ABTB3: variants seen among roughly 807,000 people sequenced by gnomAD.
ABTB3 encodes ankyrin repeat- and BTB/POZ domain-containing protein 3.
chr12:107,591,300 A>G, the ABTB3 span, among the ~76,000 whole-genome samples: 1 of 152,214 alleles, frequency 6.6e-6, no homozygotes, highest in Admixed American at 6.5e-5. Flanking sequence ...AATACCTGAG[A>G]CTGGGTAATT....
chr12:107,402,925 T>TTC, the ABTB3 span, among the ~76,000 whole-genome samples: 1 of 152,028 alleles, frequency 6.6e-6, no homozygotes, highest in Non-Finnish European at 1.5e-5. Context: ...TGCTGGCTTG[T>TTC]CCCCCCACCC....
the ABTB3 span, chr12:107,610,414 C>A: frequency 1.3e-6 from 2 of 1,589,130 alleles, no homozygotes; most frequent in Non-Finnish European, 1.7e-6. Flanking sequence ...TCACCCCTGG[C>A]AAGACAGAGA....
chr12:107,421,776 A>C, the ABTB3 span, among the ~76,000 whole-genome samples: 1 of 152,176 alleles, frequency 6.6e-6, no homozygotes. Flanking sequence ...AAGACCATGG[A>C]TCTCATCCAA....
chr12:107,490,177 T>C, the ABTB3 span, among the ~76,000 whole-genome samples: 1 of 152,242 alleles, frequency 6.6e-6, no homozygotes, highest in African/African-American at 2.4e-5. Flanking sequence ...GTGCACTGGC[T>C]GTTGTTTAGT....
chr12:107,475,556 C>T, the ABTB3 span, among the ~76,000 whole-genome samples: 1 of 152,198 alleles, frequency 6.6e-6, no homozygotes, highest in African/African-American at 2.4e-5. Flanking sequence ...TTGTAGAACT[C>T]TGATCTGACC....
the ABTB3 span, among the ~76,000 whole-genome samples, chr12:107,320,850 A>G: frequency 1.3e-5 from 2 of 150,750 alleles, no homozygotes; most frequent in African/African-American, 4.9e-5. Context: ...TCTGGGCAGG[A>G]TGGAGCTGGC....
chr12:107,524,408 A>G, the ABTB3 span, among the ~76,000 whole-genome samples: 1 of 152,204 alleles, frequency 6.6e-6, no homozygotes, highest in African/African-American at 2.4e-5. Flanking sequence ...TGCTCAGCCA[A>G]TGTGGAAACC....
At chr12:107,581,066 C>T in the ABTB3 span, 3 of 1,540,140 alleles carry the variant, frequency 1.9e-6, no homozygotes, top group African/African-American at 1.4e-5. Context: ...GGGGGATCCC[C>T]GCGAGCAGGG....
the ABTB3 span, among the ~76,000 whole-genome samples, chr12:107,550,738 G>A: frequency 6.6e-6 from 1 of 151,732 alleles, no homozygotes; most frequent in South Asian, 2.1e-4. Flanking sequence ...ATGCTATCAT[G>A]CCCAACTAAT....
the ABTB3 span, among the ~76,000 whole-genome samples, chr12:107,625,652 T>C: frequency 6.6e-6 from 1 of 151,990 alleles, no homozygotes; most frequent in African/African-American, 2.4e-5. Context: ...TGGGCAGTAG[T>C]AAGAGTCTGA....
the ABTB3 span, among the ~76,000 whole-genome samples, chr12:107,354,669 TG>T: frequency 6.6e-6 from 1 of 152,240 alleles, no homozygotes; most frequent in Non-Finnish European, 1.5e-5. Context: ...GGGTTGTTTC[TG>T]CTTTTTGGCT....
the ABTB3 span, among the ~76,000 whole-genome samples, chr12:107,345,661 C>G: frequency 6.6e-6 from 1 of 152,092 alleles, no homozygotes; most frequent in Non-Finnish European, 1.5e-5. Flanking sequence ...GGAGGAGGGA[C>G]TGAATTCCCC....
At chr12:107,364,220 T>A in the ABTB3 span, among the ~76,000 whole-genome samples, 2 of 152,104 alleles carry the variant, frequency 1.3e-5, no homozygotes, top group Non-Finnish European at 2.9e-5. Context: ...CATGCTTCCA[T>A]TCTTGCTGCA....
At chr12:107,551,959 T>G in the ABTB3 span, among the ~76,000 whole-genome samples, 2 of 152,096 alleles carry the variant, frequency 1.3e-5, no homozygotes, top group African/African-American at 4.8e-5. Context: ...ACCATGTTGG[T>G]CAGGCTGGTC....
At chr12:107,604,569 T>C in the ABTB3 span, among the ~76,000 whole-genome samples, 1 of 152,168 alleles carries the variant, frequency 6.6e-6, no homozygotes, top group African/African-American at 2.4e-5. Context: ...CAATGAGATA[T>C]CGCTTCACAC....
the ABTB3 span, chr12:107,544,290 G>T: frequency 2.5e-6 from 2 of 811,890 alleles, no homozygotes; most frequent in Non-Finnish European, 3.8e-6. Context: ...ACCCTGAGGG[G>T]ATATCTTAGA....
the ABTB3 span, among the ~76,000 whole-genome samples, chr12:107,451,511 C>T: frequency 7.9e-5 from 12 of 152,288 alleles, no homozygotes; most frequent in African/African-American, 2.2e-4. Flanking sequence ...CGCCAGAACA[C>T]GCCATCAAAA....
chr12:107,412,248 A>T, the ABTB3 span, among the ~76,000 whole-genome samples: 2 of 152,186 alleles, frequency 1.3e-5, no homozygotes, highest in African/African-American at 4.8e-5. Context: ...CAAACATAAT[A>T]CAATGCTTCC....
At chr12:107,538,726 G>A in the ABTB3 span, among the ~76,000 whole-genome samples, 1 of 152,152 alleles carries the variant, frequency 6.6e-6, no homozygotes, top group Non-Finnish European at 1.5e-5. Context: ...CCACCCCGCT[G>A]TCCTCCAGAC....
Sources: allele counts gnomAD v4.1 joint callset (sites outside exome capture counted in the v4.1 genomes callset), GRCh38; gene constraint gnomAD v4.1.1; transcripts MANE v1.5; gene names NCBI Gene and HGNC (gene_info 2026-07-23, HGNC 2026-07-21).